NETO1: variants seen among roughly 807,000 people sequenced by gnomAD.
The protein encoded by NETO1 is neuropilin and tolloid-like protein 1.
In NETO1, 26 loss-of-function variants were observed where a neutral mutation model predicts 61.3. The ratio of observed to expected loss-of-function variants is 0.42; its 90% CI spans 0.31 to 0.59. The LOEUF (loss-of-function observed/expected upper bound fraction) is 0.59, where lower values mean the gene tolerates loss of function less well. Ranked by LOEUF, NETO1 falls within the 20% of genes least tolerant of loss-of-function variation. The pLI is 0.12. For missense variants in NETO1, 531 were observed against 662.8 expected (o/e 0.80, Z 2.18); for synonymous variants, 225 against 225.8 (o/e 1.00, Z 0.03).
chr18:72,775,231 C>T (rs1319059073), intron 7 of NETO1, among the ~76,000 whole-genome samples: 2 of 152,160 alleles, frequency 1.3e-5, no homozygotes, highest in African/African-American at 4.8e-5. Context: ...TATGCTCTCC[C>T]CTTTACTGGC....
At chr18:72,794,519 A>G (rs2072245930) in intron 4 of NETO1, 115 bp from the exon 5 acceptor site, 1 of 969,894 alleles carries the variant, frequency 1.0e-6, no homozygotes, top group Non-Finnish European at 1.6e-6. Flanking sequence ...ACATTAGGGA[A>G]AAGTAAAAAA....
chr18:72,795,595 ACT>A (rs1378059965), intron 4 of NETO1, among the ~76,000 whole-genome samples: 1 of 152,012 alleles, frequency 6.6e-6, no homozygotes, highest in Non-Finnish European at 1.5e-5. Flanking sequence ...CAAGATTTAT[ACT>A]CTTTTTTTTC....
chr18:72,755,603 TG>T (rs1359920626), intron 8 of NETO1, among the ~76,000 whole-genome samples: 1 of 152,050 alleles, frequency 6.6e-6, no homozygotes, highest in Non-Finnish European at 1.5e-5. Context: ...GTGAAGTAGC[TG>T]GAAGTAACTG....
intron 3 of NETO1, among the ~76,000 whole-genome samples, chr18:72,861,445 C>T (rs977179821): frequency 4.6e-5 from 7 of 152,192 alleles, no homozygotes; most frequent in Non-Finnish European, 1.0e-4. Flanking sequence ...ATTTGCTTCA[C>T]CTTCAAGAAT....
intron 4 of NETO1, among the ~76,000 whole-genome samples, chr18:72,821,150 AATT>A (rs2073180517): frequency 1.3e-5 from 2 of 150,108 alleles, no homozygotes; most frequent in African/African-American, 2.5e-5. Flanking sequence ...CTGGCTGACA[AATT>A]ATATCCTGTC....
chr18:72,768,994 C>A (rs142162036), intron 7 of NETO1, among the ~76,000 whole-genome samples: 1 of 152,192 alleles, frequency 6.6e-6, no homozygotes, highest in Admixed American at 6.5e-5. Flanking sequence ...CTTTGACTAA[C>A]CAGCCTTCTG....
At chr18:72,848,839 T>C (rs1482233491) in intron 4 of NETO1, among the ~76,000 whole-genome samples, 1 of 152,214 alleles carries the variant, frequency 6.6e-6, no homozygotes, top group Non-Finnish European at 1.5e-5. Context: ...ATTTCAATCT[T>C]TATATCTGTC....
intron 4 of NETO1, among the ~76,000 whole-genome samples, chr18:72,807,705 T>C (rs1366448283): frequency 3.1e-5 from 4 of 129,630 alleles, no homozygotes; most frequent in Admixed American, 2.8e-4. Context: ...AACAGAACAA[T>C]GAAGACAAGA....
At chr18:72,781,894 A>T (rs1279634035) in intron 7 of NETO1, among the ~76,000 whole-genome samples, 2 of 150,384 alleles carry the variant, frequency 1.3e-5, no homozygotes, top group Non-Finnish European at 3.0e-5. Flanking sequence ...CAGGTTTACT[A>T]TGTAGGTAAA....
chr18:72,828,083 C>G (rs986398493), intron 4 of NETO1, among the ~76,000 whole-genome samples: 1 of 151,946 alleles, frequency 6.6e-6, no homozygotes, highest in Non-Finnish European at 1.5e-5. Flanking sequence ...GAGGCCAAGG[C>G]CAGCGGATCA....
chr18:72,756,221 A>T (rs2070778505), intron 7 of NETO1, 74 bp from the exon 8 acceptor site: 1 of 700,878 alleles, frequency 1.4e-6, no homozygotes, highest in African/African-American at 1.8e-5. Context: ...CACATTACAA[A>T]TCTAAAAAAA....
In NETO1 at chr18:72,746,459, T is replaced by G. The variant is rs1480516164; in HGVS notation, c.*1720A>C. On this transcript the variant is annotated 3_prime_UTR_variant, in exon 11 of 11. Coordinates refer to ENST00000327305, the MANE Select transcript of NETO1 (RefSeq NM_138966.5). ...TCTTTGTCATGTTCAAAACCTTTTC[T>G]GATTCCCTAGTTTATCAAATTCATT... is the stretch of plus-strand genomic sequence containing the variant. Among the ~76,000 whole-genome samples, 1 of 152,176 alleles carries G rather than the reference T, an allele frequency of 6.6e-6. No individual in the cohort carries two copies. The highest frequency in any genetic ancestry group is 1.9e-4 in the East Asian group (1 of 5,204).
At chr18:72,761,811 T>C (rs114676768) in intron 7 of NETO1, among the ~76,000 whole-genome samples, 3,054 of 152,280 alleles carry the variant, frequency 0.02, 105 homozygotes, top group African/African-American at 0.07. Flanking sequence ...TAACATTTAT[T>C]CAAATACTTT....
At chr18:72,784,387 T>C (rs1429123483) in intron 6 of NETO1, among the ~76,000 whole-genome samples, 1 of 152,196 alleles carries the variant, frequency 6.6e-6, no homozygotes, top group Non-Finnish European at 1.5e-5. Context: ...AATCAAATTA[T>C]TTAACATAAA....
Position 72,830,319 on chromosome 18 carries a change from C to T in NETO1, c.469+28507G>A, listed in dbSNP as rs1394455604. Among the ~76,000 whole-genome samples the T allele has an allele frequency of 6.6e-6, 1 of 152,130 alleles. No homozygotes were observed. Among genetic ancestry groups the T allele is most frequent in the Non-Finnish European group, 1.5e-5 (1 of 68,018 alleles). ...AGGCTGTTGAGGCTGCAGCCACACA[C>T]TCAGCACCCTGGACAGCGTCCAAAC... On this transcript the variant is annotated intron_variant, in intron 4 of 10. Transcript: ENST00000327305. The surrounding 1 kb of genome is among the most constrained non-coding windows in gnomAD (Gnocchi z 4.9).
At chr18:72,751,710 T>C (rs958386594) in intron 8 of NETO1, among the ~76,000 whole-genome samples, 1 of 152,168 alleles carries the variant, frequency 6.6e-6, no homozygotes, top group Non-Finnish European at 1.5e-5. Context: ...CAACACCACA[T>C]GTTAGCAACC....
intron 7 of NETO1, among the ~76,000 whole-genome samples, chr18:72,777,309 T>C (rs534009964): frequency 1.3e-5 from 2 of 151,910 alleles, no homozygotes; most frequent in East Asian, 3.9e-4. Flanking sequence ...TCTCAGCTAC[T>C]TGGGAGGCTG....
intron 4 of NETO1, among the ~76,000 whole-genome samples, chr18:72,820,401 C>T (rs753511177): frequency 3.9e-5 from 6 of 152,178 alleles, no homozygotes; most frequent in Non-Finnish European, 7.3e-5. Context: ...TATACAAGTG[C>T]GCATTCTCCT....
rs984843558 is a variant in NETO1 at position 72,770,726 on chromosome 18, T to G, written c.868+12952A>C. Among the ~76,000 whole-genome samples, 3 of 152,178 alleles carry G rather than the reference T, an allele frequency of 2.0e-5. No homozygotes were observed. The South Asian group carries it at 6.2e-4, about 31-fold the overall frequency. On this transcript the variant is annotated intron_variant, in intron 7 of 10. Transcript: ENST00000327305. ...GCTTTCTCCAGTACATAACATTTTC[T>G]TTTCGTGGTGAAATATATAGTGAAT...
Sources: allele counts gnomAD v4.1 joint callset (sites outside exome capture counted in the v4.1 genomes callset), GRCh38; gene constraint gnomAD v4.1.1; non-coding constraint Gnocchi (gnomAD v3.1); transcripts MANE v1.5; gene names NCBI Gene and HGNC (gene_info 2026-07-23, HGNC 2026-07-21).